Variants in DLC1 observed in about 807,000 individuals in gnomAD.
The protein encoded by DLC1 is rho GTPase-activating protein 7.
Under a neutral mutation model 140.3 loss-of-function variants are expected in DLC1, and 54 were observed. The ratio of observed to expected loss-of-function variants is 0.38; its 90% CI spans 0.31 to 0.48. The LOEUF (loss-of-function observed/expected upper bound fraction) is 0.48. DLC1 is among the 20% of genes least tolerant of loss of function. The probability of loss-of-function intolerance (pLI) is 0.96; values close to 1 mark genes in which losing one functional copy is unlikely to be tolerated. For missense variants in DLC1, 2,536 were observed against 1,907.0 expected (o/e 1.33, Z -6.14); for synonymous variants, 986 against 728.1 (o/e 1.35, Z -5.70).
chr8:13,378,675 C>T (rs1216767185), intron 4 of DLC1, among the ~76,000 whole-genome samples: 1 of 151,948 alleles, frequency 6.6e-6, no homozygotes, highest in Non-Finnish European at 1.5e-5. Flanking sequence ...GTTACATGTT[C>T]TTTTGTTTGT....
At chr8:13,243,824 G>A (rs902906912) in intron 5 of DLC1, among the ~76,000 whole-genome samples, 2 of 152,032 alleles carry the variant, frequency 1.3e-5, no homozygotes, top group East Asian at 1.9e-4. Context: ...ATGTATTCTT[G>A]GACAATCTCA....
At chr8:13,208,989 A>G (rs1443478372) in intron 5 of DLC1, among the ~76,000 whole-genome samples, 1 of 152,192 alleles carries the variant, frequency 6.6e-6, no homozygotes, top group South Asian at 2.1e-4. Context: ...ATGTTATAGA[A>G]TGTGACAAAT....
chr8:13,504,017 T>C (rs1186223059), intron 1 of DLC1, among the ~76,000 whole-genome samples: 1 of 152,150 alleles, frequency 6.6e-6, no homozygotes, highest in Non-Finnish European at 1.5e-5. Context: ...ATTACCTCTT[T>C]GGAAAAGATA....
intron 1 of DLC1, among the ~76,000 whole-genome samples, chr8:13,528,435 A>G (rs1199384640): frequency 1.3e-5 from 2 of 152,226 alleles, no homozygotes; most frequent in Non-Finnish European, 1.5e-5. Flanking sequence ...AAACGTTGCC[A>G]AAATTCAAAT....
At position 13,464,732 on chromosome 8, in the gene DLC1, T is replaced by C. The variant is rs977126381; in HGVS notation, c.1023+34317A>G. Among the ~76,000 whole-genome samples, 3 of 144,816 alleles carry C rather than the reference T, an allele frequency of 2.1e-5. No homozygotes were observed. In the East Asian group the frequency reaches 6.0e-4, roughly 29 times the overall value. ...TTTTATTACTTGCTTTTTTAAAAAA[T>C]ATAGAATTTTAAATTATATATATAT... On this transcript the variant is annotated intron_variant, in intron 2 of 17. Transcript: ENST00000276297.
At chr8:13,525,151 T>A (rs1319401953) in intron 1 of DLC1, among the ~76,000 whole-genome samples, 2 of 152,236 alleles carry the variant, frequency 1.3e-5, no homozygotes, top group African/African-American at 4.8e-5. Context: ...TCCATCCATG[T>A]TGTTGCATGT....
intron 5 of DLC1, among the ~76,000 whole-genome samples, chr8:13,229,993 A>T (rs1303202619): frequency 1.3e-5 from 2 of 152,250 alleles, no homozygotes; most frequent in African/African-American, 4.8e-5. Context: ...AAGAAAACAG[A>T]TGCACAGACA....
intron 2 of DLC1, among the ~76,000 whole-genome samples, chr8:13,483,074 T>G (rs2117126202): frequency 6.6e-6 from 1 of 152,290 alleles, no homozygotes; most frequent in East Asian, 1.9e-4. Context: ...GGGCAGAATC[T>G]TTCCTTCCCT....
intron 5 of DLC1, among the ~76,000 whole-genome samples, chr8:13,246,756 T>A (rs1829781583): frequency 6.6e-6 from 1 of 152,160 alleles, no homozygotes; most frequent in African/African-American, 2.4e-5. Context: ...GAGTTCCTAT[T>A]TAACTATCTG....
At chr8:13,191,367 C>T (rs946462342) in intron 5 of DLC1, among the ~76,000 whole-genome samples, 2 of 152,068 alleles carry the variant, frequency 1.3e-5, no homozygotes, top group African/African-American at 4.8e-5. Flanking sequence ...ATCAACCAGG[C>T]GTGGTGGCCT....
At chr8:13,194,359 C>A (rs750964640) in intron 5 of DLC1, among the ~76,000 whole-genome samples, 1 of 152,208 alleles carries the variant, frequency 6.6e-6, no homozygotes, top group Non-Finnish European at 1.5e-5. Context: ...TATGAATCAT[C>A]CCCTGCCCTT....
chr8:13,581,928 A>G (rs1008355861), intron 1 of DLC1, among the ~76,000 whole-genome samples: 1 of 152,158 alleles, frequency 6.6e-6, no homozygotes, highest in South Asian at 2.1e-4. Flanking sequence ...TAGGAAAAAA[A>G]ATTTAATGCA....
chr8:13,380,553 C>T (rs868471589), intron 4 of DLC1, among the ~76,000 whole-genome samples: 17 of 152,234 alleles, frequency 1.1e-4, no homozygotes, highest in South Asian at 6.2e-4. Context: ...CATCTTTAGT[C>T]CCATTTAAAT....
At chr8:13,281,460 A>G (rs1182043949) in intron 5 of DLC1, among the ~76,000 whole-genome samples, 2 of 152,230 alleles carry the variant, frequency 1.3e-5, no homozygotes, top group African/African-American at 4.8e-5. Context: ...AAAATCTTGG[A>G]ATCTATATCT....
At chr8:13,089,549 C>T (rs531267613) in intron 15 of DLC1, among the ~76,000 whole-genome samples, 4 of 152,124 alleles carry the variant, frequency 2.6e-5, no homozygotes, top group South Asian at 2.1e-4. Context: ...AGCTTGAAAC[C>T]GGGAGGCAGA....
chr8:13,352,211 C>T (rs192824733), intron 4 of DLC1, among the ~76,000 whole-genome samples: 3 of 152,032 alleles, frequency 2.0e-5, no homozygotes, highest in South Asian at 2.1e-4. Context: ...GCGCTTGTTC[C>T]GAACACACGC....
At chr8:13,348,622 G>A (rs1834486055) in intron 4 of DLC1, among the ~76,000 whole-genome samples, 1 of 152,138 alleles carries the variant, frequency 6.6e-6, no homozygotes, top group East Asian at 1.9e-4. Context: ...AATGTAAAGT[G>A]TTTAGGTCCT....
At chr8:13,273,145 C>A (rs140581075) in intron 5 of DLC1, among the ~76,000 whole-genome samples, 184 of 152,284 alleles carry the variant, frequency 1.2e-3, no homozygotes, top group Non-Finnish European at 2.0e-3. Context: ...CAAAAGCAGG[C>A]TACAAGGCCC....
In DLC1 at chr8:13,453,564, T is replaced by A. The variant is rs1299181855; in HGVS notation, c.1023+45485A>T. The stretch of plus-strand genomic sequence containing the variant: ...CATATATATATATATATATTTTTTT[T>A]TTTTTTTTTTCAGATAGAAATGTTT... On this transcript the variant is annotated intron_variant, in intron 2 of 17. Coordinates refer to ENST00000276297, the MANE Select transcript of DLC1 (RefSeq NM_182643.3). Among the ~76,000 whole-genome samples the A allele has an allele frequency of 4.6e-5, 5 of 108,842 alleles. 1 individual carries two copies. The highest frequency in any genetic ancestry group is 2.1e-4 in the African/African-American group (5 of 24,358). The allele number at this position is 108,842 out of a possible 152,430, so 71.4% of individuals were successfully genotyped here. A position where few individuals can be genotyped will look rare whatever the true frequency, so the allele number is the denominator to read the frequency against.
Sources: allele counts gnomAD v4.1 joint callset (sites outside exome capture counted in the v4.1 genomes callset), GRCh38; gene constraint gnomAD v4.1.1; transcripts MANE v1.5; gene names NCBI Gene and HGNC (gene_info 2026-07-23, HGNC 2026-07-21).